Variants in DOCK4 observed in about 807,000 individuals in gnomAD.
The protein encoded by DOCK4 is dedicator of cytokinesis 4, also known as dedicator of cytokinesis protein 4.
Under a neutral mutation model 268.1 loss-of-function variants are expected in DOCK4, and 97 were observed. The ratio of observed to expected loss-of-function variants is 0.36; its 90% CI spans 0.31 to 0.43. The LOEUF (loss-of-function observed/expected upper bound fraction) is 0.43. Among genes scored for constraint, DOCK4 ranks in the 20% least tolerant of loss-of-function variants. The probability of loss-of-function intolerance (pLI) is 1.00; values close to 1 mark genes in which losing one functional copy is unlikely to be tolerated. For synonymous variants in DOCK4, 954 were observed against 887.2 expected (o/e 1.08, Z -1.34); for missense variants, 2,145 against 2,455.7 (o/e 0.87, Z 2.67).
intron 1 of DOCK4, among the ~76,000 whole-genome samples, chr7:112,128,752 C>T (rs2428456): frequency 0.36 from 53,789 of 151,052 alleles, 11,681 homozygotes; most frequent in South Asian, 0.52. Flanking sequence ...TCCCTAATCT[C>T]AAGTACCCAG....
chr7:111,865,642 T>C (rs1381141409), intron 22 of DOCK4, among the ~76,000 whole-genome samples: 1 of 152,222 alleles, frequency 6.6e-6, no homozygotes, highest in East Asian at 1.9e-4. Flanking sequence ...ATTTTGCAGA[T>C]GTAATTAAGA....
chr7:111,919,896 A>G (rs1792957244), intron 12 of DOCK4, among the ~76,000 whole-genome samples: 1 of 152,216 alleles, frequency 6.6e-6, no homozygotes, highest in Non-Finnish European at 1.5e-5. Flanking sequence ...TTATTTTCCA[A>G]TCAAAGAAAC....
chr7:112,089,874 A>G (rs1221833457), intron 1 of DOCK4, among the ~76,000 whole-genome samples: 1 of 152,192 alleles, frequency 6.6e-6, no homozygotes, highest in African/African-American at 2.4e-5. Context: ...CTTTTTTTAA[A>G]TAAATTACCC....
At chr7:112,098,226 T>C (rs1361644911) in intron 1 of DOCK4, among the ~76,000 whole-genome samples, 1 of 152,198 alleles carries the variant, frequency 6.6e-6, no homozygotes, top group African/African-American at 2.4e-5. Flanking sequence ...TTGCCCAGGC[T>C]GGAGTGCAGT....
At chr7:112,127,529 G>A (rs1813348695) in intron 1 of DOCK4, among the ~76,000 whole-genome samples, 1 of 150,874 alleles carries the variant, frequency 6.6e-6, no homozygotes, top group South Asian at 2.1e-4. Context: ...CCTGCACATT[G>A]TGCACATGTA....
At chr7:111,923,187 A>C (rs778524187) in intron 12 of DOCK4, among the ~76,000 whole-genome samples, 2 of 152,232 alleles carry the variant, frequency 1.3e-5, no homozygotes, top group Non-Finnish European at 2.9e-5. Context: ...GAAATAATTT[A>C]AAGTATATGA....
chr7:112,023,382 C>T, intron 1 of DOCK4: 1 of 224,398 alleles, frequency 4.5e-6, no homozygotes, highest in South Asian at 6.1e-5. Flanking sequence ...CCTCTGTTTC[C>T]CCCTTAAGAT....
At chr7:111,808,773 A>G (rs1371138193) in intron 30 of DOCK4, 48 bp downstream of exon 30, 4 of 1,583,494 alleles carry the variant, frequency 2.5e-6, no homozygotes, top group Non-Finnish European at 3.4e-6. Flanking sequence ...ACTTCAAGGT[A>G]CAGCGAGGAG....
At chr7:111,832,352 G>A (rs892370280) in intron 26 of DOCK4, among the ~76,000 whole-genome samples, 1 of 152,158 alleles carries the variant, frequency 6.6e-6, no homozygotes. Context: ...ACCACTCAGG[G>A]TGCTCATGCC....
At chr7:112,111,672 T>A (rs1811664296) in intron 1 of DOCK4, among the ~76,000 whole-genome samples, 1 of 152,168 alleles carries the variant, frequency 6.6e-6, no homozygotes, top group African/African-American at 2.4e-5. Context: ...CCAGAACTCA[T>A]GTGATAGTGT....
intron 11 of DOCK4, among the ~76,000 whole-genome samples, chr7:111,937,881 C>T (rs369450127): frequency 1.3e-5 from 2 of 152,160 alleles, no homozygotes; most frequent in Admixed American, 6.5e-5. Context: ...TGAGTAGGAG[C>T]GTCTGTCTGC....
intron 17 of DOCK4, among the ~76,000 whole-genome samples, chr7:111,873,739 C>T (rs943303133): frequency 1.3e-5 from 2 of 151,900 alleles, no homozygotes; most frequent in Non-Finnish European, 2.9e-5. Context: ...GCAAGCTCCA[C>T]CAAAGCCAGA....
chr7:111,941,257 T>C (rs538622223), intron 10 of DOCK4, among the ~76,000 whole-genome samples: 3 of 152,324 alleles, frequency 2.0e-5, no homozygotes, highest in East Asian at 1.9e-4. Context: ...AAATATCAGG[T>C]TGTCATGACC....
intron 26 of DOCK4, among the ~76,000 whole-genome samples, chr7:111,829,366 T>C (rs1429027450): frequency 2.0e-5 from 3 of 152,160 alleles, no homozygotes; most frequent in South Asian, 2.1e-4. Context: ...GAATTCCTAG[T>C]TCTCCCAATT....
chr7:112,029,405 T>C (rs1216852991), intron 1 of DOCK4, among the ~76,000 whole-genome samples: 2 of 152,188 alleles, frequency 1.3e-5, no homozygotes, highest in Non-Finnish European at 1.5e-5. Context: ...GATATGAAAC[T>C]GTTGTATAAA....
At chr7:112,177,787 C>G (rs569735678) in intron 1 of DOCK4, among the ~76,000 whole-genome samples, 1 of 152,044 alleles carries the variant, frequency 6.6e-6, no homozygotes, top group East Asian at 1.9e-4. Flanking sequence ...AAAAGAGTCA[C>G]CTTTTACAGG....
At position 111,919,480 on chromosome 7, in the gene DOCK4, G is replaced by C. The variant is rs73428846; in HGVS notation, c.1067-3576C>G. On this transcript the variant is annotated intron_variant, in intron 12 of 52. Coordinates refer to ENST00000428084, the MANE Select transcript of DOCK4 (RefSeq NM_001363540.2). ...AATAGACAAAATAGTGTGGGGAAAA[G>C]GAAAAGCTGGCATTTCAGAGTTGGA... Among the ~76,000 whole-genome samples, 1,004 of 152,248 alleles carry C rather than the reference G, an allele frequency of 6.6e-3. 10 individuals are homozygous for C. Among genetic ancestry groups the C allele is most frequent in the African/African-American group, 0.022 (906 of 41,536 alleles).
intron 16 of DOCK4, among the ~76,000 whole-genome samples, chr7:111,881,489 T>C (rs1248326861): frequency 6.6e-6 from 1 of 152,160 alleles, no homozygotes; most frequent in Non-Finnish European, 1.5e-5. Context: ...TGTCAATTAG[T>C]ATAACCACTA....
At chr7:112,021,542 A>G (rs1459746932) in intron 1 of DOCK4, among the ~76,000 whole-genome samples, 2 of 152,224 alleles carry the variant, frequency 1.3e-5, no homozygotes, top group Non-Finnish European at 2.9e-5. Flanking sequence ...ACGCCTTCCC[A>G]TGGGCAAGTC....
Sources: gnomAD v4.1 joint callset for allele counts (sites outside exome capture counted in the v4.1 genomes callset) on GRCh38, gnomAD v4.1.1 for gene constraint, MANE v1.5 for transcripts, NCBI Gene and HGNC (gene_info 2026-07-23, HGNC 2026-07-21) for gene names.